Variants in ANLN observed in about 807,000 individuals in gnomAD.
ANLN encodes anillin.
ANLN carries 59 observed loss-of-function variants against 135.1 expected under a neutral mutation model. The observed-to-expected ratio is 0.44, with a 90% CI of 0.35 to 0.54. ANLN has a LOEUF of 0.54. Among genes scored for constraint, ANLN ranks in the 20% least tolerant of loss-of-function variants. The probability of loss-of-function intolerance (pLI) is 0.00; values close to 1 mark genes in which losing one functional copy is unlikely to be tolerated. For missense variants in ANLN, 1,182 were observed against 1,340.0 expected, an observed-to-expected ratio of 0.88 and a Z score of 1.84; for synonymous variants, 406 against 456.4, an observed-to-expected ratio of 0.89 and a Z score of 1.41.
At position 36,435,769 on chromosome 7, in the gene ANLN, A is replaced by G. The variant is rs1416408293; in HGVS notation, c.2884-3435A>G. On this transcript the variant is annotated intron_variant, in intron 20 of 23. Transcript: ENST00000265748. ...GCGCCTGTAGTCCCAGCTACTCGGGAGGCTGAGGCAGGAGAATGGCGTGAA... is the reference window on the plus strand; with the variant it reads ...GCGCCTGTAGTCCCAGCTACTCGGGGGGCTGAGGCAGGAGAATGGCGTGAA... 2.8e-5 allele frequency among the ~76,000 whole-genome samples: 4 copies of G among 142,702 alleles called. No individual in the cohort carries two copies. In the Admixed American group the frequency reaches 2.9e-4, roughly 10 times the overall value. 93.6% of individuals were successfully genotyped at this position (142,702 alleles called of 152,430 possible). A position where few individuals can be genotyped will look rare whatever the true frequency, so the allele number is the denominator to read the frequency against.
chr7:36,425,883 A>C (rs1289751894), intron 18 of ANLN, 132 bp from the exon 19 acceptor site: 12 of 1,135,454 alleles, frequency 1.1e-5, no homozygotes, highest in Non-Finnish European at 1.5e-5. Context: ...CCTGTAATTT[A>C]TGTAGGAAAA....
intron 20 of ANLN, chr7:36,428,458 AC>A: frequency 1.7e-6 from 1 of 602,600 alleles, no homozygotes. Context: ...CTTTTTGTTT[AC>A]TTTGAATAAT....
intron 7 of ANLN, among the ~76,000 whole-genome samples, chr7:36,413,608 C>T (rs1348780667): frequency 6.6e-6 from 1 of 152,212 alleles, no homozygotes; most frequent in Non-Finnish European, 1.5e-5. Context: ...AAATTCTGAA[C>T]ACAGTAACAG....
Position 36,389,905 on chromosome 7 carries a change from G to T in ANLN, c.-122G>T. ...CGAGAGGAGAGGACAGCTGGTTGTGGGAGAGTTCCCCCGCCTCAGACTCCT... is the reference window on the plus strand; with the variant it reads ...CGAGAGGAGAGGACAGCTGGTTGTGTGAGAGTTCCCCCGCCTCAGACTCCT... On this transcript the variant is annotated 5_prime_UTR_variant, in exon 1 of 24. Transcript: ENST00000265748. The T allele has an allele frequency of 1.3e-6, 2 of 1,570,574 alleles. No individual in the cohort carries two copies. The highest frequency in any genetic ancestry group is 1.7e-6 in the Non-Finnish European group (2 of 1,145,036).
chr7:36,425,994 C>T (rs757187133), intron 18 of ANLN, 21 bp from the exon 19 acceptor site: 7 of 1,466,654 alleles, frequency 4.8e-6, no homozygotes, highest in African/African-American at 4.4e-5. Context: ...TTCTTCTTCA[C>T]ACCTTTTTTT....
chr7:36,424,562 A>G lies in ANLN; in HGVS notation c.2621A>G (p.Asp874Gly), dbSNP rs752097628. 6.2e-7 allele frequency: 1 copy of G among 1,600,116 alleles called. No homozygotes were observed. Among genetic ancestry groups the G allele is most frequent in the South Asian group, 1.1e-5 (1 of 88,796 alleles). The change falls in exon 16 of 24, where the codon GAC (aspartate) becomes GGC (glycine). Residue 874 changes from aspartate (D) to glycine (G), a missense_variant. This residue lies in a region of ANLN where 1,022 missense variants were observed against 1,134.0 expected (regional missense o/e 0.90). Coordinates refer to ENST00000265748, the MANE Select transcript of ANLN (RefSeq NM_018685.5). ...TTTTCCAGGCAAGATGTATCCAATGACTTTGAAATAAATATTGAAGTTTAC... is the reference window on the plus strand; with the variant it reads ...TTTTCCAGGCAAGATGTATCCAATGGCTTTGAAATAAATATTGAAGTTTAC... ...TTFTLQDVSNDFEINIEVYSL... is the reference protein window; with the variant it reads ...TTFTLQDVSNGFEINIEVYSL...
At chr7:36,422,601 T>C in intron 13 of ANLN, 32 bp from the exon 14 acceptor site, 2 of 1,548,768 alleles carry the variant, frequency 1.3e-6, no homozygotes, top group Non-Finnish European at 1.7e-6. Context: ...GTTACGATTT[T>C]AATATTTGGA....
chr7:36,446,168 C>G (rs1788990489), intron 22 of ANLN, among the ~76,000 whole-genome samples: 1 of 152,148 alleles, frequency 6.6e-6, no homozygotes, highest in African/African-American at 2.4e-5. Context: ...TTAAGGTAAT[C>G]AGACCTGCTA....
chr7:36,402,694 TTA>T (rs1787006070), intron 3 of ANLN, among the ~76,000 whole-genome samples: 1 of 152,164 alleles, frequency 6.6e-6, no homozygotes, highest in African/African-American at 2.4e-5. Flanking sequence ...TAGGATCTAC[TTA>T]TACACACACT....
chr7:36,448,138 C>T (rs1196318033), intron 22 of ANLN, among the ~76,000 whole-genome samples: 1 of 152,120 alleles, frequency 6.6e-6, no homozygotes, highest in African/African-American at 2.4e-5. Context: ...CTCAGCCTCC[C>T]GAGTAGCTGG....
At position 36,399,098 on chromosome 7, in the gene ANLN, A is replaced by G. The variant is rs1786827343; in HGVS notation, c.192A>G (p.Pro64=). Residue 64 remains proline, a synonymous_variant, in exon 3 of 24, where the codon CCA becomes CCG. Coordinates refer to ENST00000265748, the MANE Select transcript of ANLN (RefSeq NM_018685.5). ...SGGEEKSCTK[P]SPSKKRCSDN... ...ATGTAGAGAAATCTTGTACAAAACC[A>G]TCGCCATCAAAAAAACGCTGTTCTG... 6.2e-7 allele frequency: 1 copy of G among 1,609,972 alleles called. No individual in the cohort carries two copies. Among genetic ancestry groups the G allele is most frequent in the South Asian group, 1.1e-5 (1 of 90,484 alleles).
intron 3 of ANLN, among the ~76,000 whole-genome samples, chr7:36,399,985 AC>A (rs1786872816): frequency 6.6e-6 from 1 of 151,898 alleles, no homozygotes; most frequent in Non-Finnish European, 1.5e-5. Flanking sequence ...CTGCCTTGTT[AC>A]AAAAAAAAAA....
intron 22 of ANLN, among the ~76,000 whole-genome samples, chr7:36,445,161 CTTTTTTTTTTTTTTTT>C (rs70977145): frequency 1.7e-5 from 1 of 57,786 alleles, no homozygotes; most frequent in Non-Finnish European, 3.2e-5. Flanking sequence ...ATTTGGGATT[CTTTTTTTTTTTTTTTT>C]TTTTTTTTTT....
rs764387929 is a variant in ANLN, at chr7:36,415,808, A to AACTCAGTC, written c.1450_1457dup (p.Pro487SerfsTer5). 6.2e-7 allele frequency: 1 copy of AACTCAGTC among 1,609,836 alleles called. No homozygotes were observed. Among genetic ancestry groups the AACTCAGTC allele is most frequent in the Admixed American group, 1.7e-5 (1 of 59,016 alleles). On this transcript the variant is annotated frameshift_variant, in exon 8 of 24. Transcript: ENST00000265748. LOFTEE classifies it high-confidence loss of function. ...TCAAAAAACACCAAGGTGTTTCAAA[A>AACTCAGTC]ACTCAGTCACTTCCAGTAACAGAAA... is the stretch of plus-strand genomic sequence containing the variant.
At chr7:36,420,335 C>A in intron 11 of ANLN, 21 bp downstream of exon 11, 1 of 1,611,828 alleles carries the variant, frequency 6.2e-7, no homozygotes, top group Non-Finnish European at 8.5e-7. Flanking sequence ...TTCTGGAAGG[C>A]ATTCACTCAC....
At chr7:36,429,018 A>G (rs1185249593) in intron 20 of ANLN, among the ~76,000 whole-genome samples, 1 of 152,056 alleles carries the variant, frequency 6.6e-6, no homozygotes, top group South Asian at 2.1e-4. Flanking sequence ...ACCTCAAGTG[A>G]TCAGCCCTCC....
At chr7:36,427,401 G>T (rs1243205689) in intron 20 of ANLN, among the ~76,000 whole-genome samples, 3 of 151,660 alleles carry the variant, frequency 2.0e-5, no homozygotes, top group Admixed American at 1.3e-4. Context: ...TTGAGACAGG[G>T]TCTCACTCTG....
In ANLN at chr7:36,426,050, G is replaced by C; in HGVS notation, c.2770+14G>C. On this transcript the variant is annotated intron_variant, in intron 19 of 23. Coordinates refer to ENST00000265748, the MANE Select transcript of ANLN (RefSeq NM_018685.5). ...TTCATTCTTCAGGTGAGTGTATCTT[G>C]AACTATTTGAAACTTTAGAATAAGG... 1 of 1,453,932 alleles carries C rather than the reference G, an allele frequency of 6.9e-7. No homozygotes were observed. Among genetic ancestry groups the C allele is most frequent in the Non-Finnish European group, 9.2e-7 (1 of 1,092,342 alleles). 90.1% of individuals were successfully genotyped at this position (1,453,932 alleles called of 1,614,324 possible). A position where few individuals can be genotyped will look rare whatever the true frequency, so the allele number is the denominator to read the frequency against.
chr7:36,389,864 G>C lies in ANLN; in HGVS notation c.-163G>C, dbSNP rs1786339649. 6 of 1,292,502 alleles carry C rather than the reference G, an allele frequency of 4.6e-6. No homozygotes were observed. Among genetic ancestry groups the C allele is most frequent in the Non-Finnish European group, 6.6e-6 (6 of 915,186 alleles). 80.1% of individuals were successfully genotyped at this position (1,292,502 alleles called of 1,614,324 possible). ...AAATTTGAACGGCTGCAGAGGCCGA[G>C]TCCGTCACTGGAAGCCGAGAGGAGA... is the stretch of plus-strand genomic sequence containing the variant. On this transcript the variant is annotated 5_prime_UTR_variant, in exon 1 of 24. Transcript: ENST00000265748.
Sources: gnomAD v4.1 joint callset for allele counts (sites outside exome capture counted in the v4.1 genomes callset) on GRCh38, gnomAD v4.1.1 for gene constraint, gnomAD v4.1.1 regional missense constraint, MANE v1.5 for transcripts, NCBI Gene and HGNC (gene_info 2026-07-23, HGNC 2026-07-21) for gene names.